The following NLRP2 variants were observed in gnomAD, a reference collection of about 807,000 sequenced individuals.
NLRP2 encodes NLR family pyrin domain containing 2, also known as NACHT, LRR and PYD domains-containing protein 2.
NLRP2 carries 107 observed loss-of-function variants against 97.2 expected under a neutral mutation model. That is an observed-to-expected ratio of 1.10 (90% confidence interval 0.94 to 1.29). NLRP2 has a LOEUF of 1.29. Ranked by LOEUF, NLRP2 falls within the 50% of genes most tolerant of loss-of-function variation. The pLI is 0.00. For missense variants in NLRP2, 1,495 were observed against 1,330.3 expected, an observed-to-expected ratio of 1.12 and a Z score of -1.93; for synonymous variants, 663 against 551.5, an observed-to-expected ratio of 1.20 and a Z score of -2.83.
chr19:54,997,541 GA>G, intron 12 of NLRP2, 54 bp downstream of exon 12: 1 of 1,580,260 alleles, frequency 6.3e-7, no homozygotes, highest in Non-Finnish European at 8.7e-7. Context: ...AGGTTTAGGG[GA>G]AGCATAATGA....
rs182010297 is a variant in NLRP2, at chr19:54,983,351, C to G, written c.1653C>G (p.Ile551Met). ...GVERLRNPDLIQAGYYSFGLA... is the reference protein window; with the variant it reads ...GVERLRNPDLMQAGYYSFGLA... ...AAAGACTCAGGAACCCCGACCTGAT[C>G]CAAGCAGGCTACTACTCCTTTGGCC... The change falls in exon 6 of 13, where the codon ATC becomes ATG. Residue 551 changes from isoleucine (I) to methionine (M), a missense_variant. Physicochemically the swap from Ile to Met is conservative, Grantham distance 10. Transcript: ENST00000448584. 6.2e-7 allele frequency: 1 copy of G among 1,614,204 alleles called. No individual in the cohort carries two copies. The highest frequency in any genetic ancestry group is 8.5e-7 in the Non-Finnish European group (1 of 1,180,036).
At chr19:54,978,596 C>G (rs1202555177) in intron 4 of NLRP2, among the ~76,000 whole-genome samples, 1 of 152,088 alleles carries the variant, frequency 6.6e-6, no homozygotes, top group East Asian at 1.9e-4. Context: ...TGGCTCTCAC[C>G]TATAATCTCC....
chr19:54,981,823 G>A, intron 5 of NLRP2, 141 bp downstream of exon 5: 1 of 727,758 alleles, frequency 1.4e-6, no homozygotes, highest in Non-Finnish European at 2.5e-6. Context: ...TTGTTGCCCA[G>A]GCTGGAGTGC....
At position 54,976,810 on chromosome 19, in the gene NLRP2, C is replaced by CTTTTTTTTTTTTT. The variant is rs749684265; in HGVS notation, c.326-941_326-940insTTTTTTTTTTTTT. 4.1e-3 allele frequency: 1,320 copies of CTTTTTTTTTTTTT among 319,536 alleles called. 185 individuals carry two copies. Among genetic ancestry groups the CTTTTTTTTTTTTT allele is most frequent in the African/African-American group, 4.8e-3 (119 of 24,772 alleles). 19.8% of individuals were successfully genotyped at this position (319,536 alleles called of 1,614,324 possible). A position where few individuals can be genotyped will look rare whatever the true frequency, so the allele number is the denominator to read the frequency against. ...TTATTAGGATTCCACCTTGTTCTCT[C>CTTTTTTTTTTTTT]TCTTTTTTTTTTTTTTTTTGATACG... is the stretch of plus-strand genomic sequence containing the variant. On this transcript the variant is annotated intron_variant, in intron 3 of 12. Transcript: ENST00000448584.
intron 11 of NLRP2, among the ~76,000 whole-genome samples, chr19:54,994,684 C>A (rs1412386630): frequency 6.6e-6 from 1 of 151,456 alleles, no homozygotes; most frequent in African/African-American, 2.4e-5. Flanking sequence ...GATCTTGGCT[C>A]ACTGCAACCT....
At chr19:54,970,414 G>A in intron 2 of NLRP2, 119 bp downstream of exon 2, 3 of 1,244,266 alleles carry the variant, frequency 2.4e-6, no homozygotes, top group South Asian at 1.2e-5. Flanking sequence ...CCTTTGGGAG[G>A]CTGAGGCGGT....
rs143365200 is a variant in NLRP2 at position 54,994,457 on chromosome 19, T to C, written c.2879+18T>C. ...TGTCTGTGGTGAGTTAACTTATAAG[T>C]TCAACTTCCTATACTTACACCTTAC... is the stretch of plus-strand genomic sequence containing the variant. On this transcript the variant is annotated intron_variant, in intron 11 of 12. Coordinates refer to ENST00000448584, the MANE Select transcript of NLRP2 (RefSeq NM_017852.5). The C allele has an allele frequency of 2.4e-5, 39 of 1,611,516 alleles. No individual in the cohort carries two copies. In the South Asian group the frequency reaches 2.9e-4, roughly 12 times the overall value.
chr19:54,979,849 C>T (rs1445944105), intron 4 of NLRP2, among the ~76,000 whole-genome samples: 2 of 151,650 alleles, frequency 1.3e-5, no homozygotes, highest in African/African-American at 2.4e-5. Flanking sequence ...CAATCTTGGC[C>T]CACTGCAACC....
intron 3 of NLRP2, among the ~76,000 whole-genome samples, chr19:54,976,384 C>T (rs2071229949): frequency 6.6e-6 from 1 of 151,632 alleles, no homozygotes; most frequent in African/African-American, 2.4e-5. Flanking sequence ...CAGAGTCTTG[C>T]TCTGTCACCC....
intron 2 of NLRP2, among the ~76,000 whole-genome samples, chr19:54,973,605 C>G (rs1322545665): frequency 6.6e-6 from 1 of 152,006 alleles, no homozygotes. Context: ...AACTCCCGAC[C>G]TCAGGTGATC....
rs758484350 is a variant in NLRP2 at position 54,983,100 on chromosome 19, G to C, written c.1402G>C (p.Glu468Gln). 2.3e-5 allele frequency: 37 copies of C among 1,613,400 alleles called. No individual in the cohort carries two copies. The South Asian group carries it at 4.1e-4, about 18-fold the overall frequency. The stretch of plus-strand genomic sequence containing the variant: ...GGCGCAGACGTCCGTGCTTCACCGA[G>C]AGGATCTGGAAAGGCTCGGGGTGCA... ...LWAQTSVLHR[E>Q]DLERLGVQES... The change falls in exon 6 of 13, where the codon GAG becomes CAG. Residue 468 changes from glutamate to glutamine, a missense_variant. Transcript: ENST00000448584.
In NLRP2 at chr19:54,986,710, C is replaced by A. The variant is rs937315604; in HGVS notation, c.2366+395C>A. ...GGATTACAGGCACCCGCCACCACGC[C>A]CGGCTAATTTTTGTGCATTTAGTGG... On this transcript the variant is annotated intron_variant, in intron 8 of 12. Transcript: ENST00000448584. 5.3e-5 allele frequency among the ~76,000 whole-genome samples: 8 copies of A among 152,170 alleles called. No individual in the cohort carries two copies. In the East Asian group the frequency reaches 1.5e-3, roughly 29 times the overall value.
intron 11 of NLRP2, 99 bp from the exon 12 acceptor site, chr19:54,997,218 G>T: frequency 8.1e-7 from 1 of 1,238,804 alleles, no homozygotes. Context: ...GACTTCTGTT[G>T]GTCATGCAGA....
chr19:54,998,402 A>G (rs1476010664), intron 12 of NLRP2, among the ~76,000 whole-genome samples: 2 of 152,046 alleles, frequency 1.3e-5, no homozygotes. Context: ...CTCACAAGCA[A>G]TATACTCTAC....
intron 2 of NLRP2, among the ~76,000 whole-genome samples, chr19:54,970,869 G>A (rs1247787894): frequency 7.6e-6 from 1 of 132,256 alleles, no homozygotes; most frequent in African/African-American, 2.8e-5. Flanking sequence ...TGTGCACATT[G>A]TGCAGGTTAG....
At chr19:54,984,323 T>TG (rs1326190021) in intron 6 of NLRP2, among the ~76,000 whole-genome samples, 1,689 of 102,440 alleles carry the variant, frequency 0.016, 13 homozygotes, top group Non-Finnish European at 0.022. Flanking sequence ...GGGGGTTTTT[T>TG]TTTGTGTTTT....
At chr19:54,968,855 C>A (rs1381180974) in intron 1 of NLRP2, among the ~76,000 whole-genome samples, 1 of 151,982 alleles carries the variant, frequency 6.6e-6, no homozygotes. Context: ...GCACCTGCCA[C>A]CACGCCCGGC....
chr19:54,980,571 CAG>C (rs2071510554), intron 4 of NLRP2, among the ~76,000 whole-genome samples: 1 of 152,198 alleles, frequency 6.6e-6, no homozygotes, highest in Admixed American at 6.6e-5. Context: ...AAGACATTGG[CAG>C]AGAGACCCCA....
At position 54,996,037 on chromosome 19, in the gene NLRP2, C is replaced by CAAAAAAAAAAAAAA. The variant is rs544759995; in HGVS notation, c.2880-1277_2880-1264dup. On this transcript the variant is annotated intron_variant, in intron 11 of 12. Coordinates refer to ENST00000448584, the MANE Select transcript of NLRP2 (RefSeq NM_017852.5). Reference sequence around the variant, plus strand: ...CCTGGGTGACAGTGAGATCCTGTCTCAAAAAAAAAAAAAAAACAAAAAAAA... The same window carrying CAAAAAAAAAAAAAA: ...CCTGGGTGACAGTGAGATCCTGTCTCAAAAAAAAAAAAAAAAAAAAAAAAAAAAAACAAAAAAAA... Among the ~76,000 whole-genome samples the CAAAAAAAAAAAAAA allele has an allele frequency of 4.2e-4, 31 of 73,358 alleles. 2 individuals carry two copies. The highest frequency in any genetic ancestry group is 1.7e-3 in the African/African-American group (30 of 18,082). 48.1% of individuals were successfully genotyped at this position (73,358 alleles called of 152,430 possible).
Sources: allele counts gnomAD v4.1 joint callset (sites outside exome capture counted in the v4.1 genomes callset), GRCh38; gene constraint gnomAD v4.1.1; transcripts MANE v1.5; gene names NCBI Gene and HGNC (gene_info 2026-07-23, HGNC 2026-07-21).